SLCO3A1: variants seen among roughly 807,000 people sequenced by gnomAD.
The protein encoded by SLCO3A1 is PGE1 transporter.
SLCO3A1 carries 27 observed loss-of-function variants against 63.1 expected under a neutral mutation model. The observed-to-expected ratio is 0.43, with a 90% CI of 0.32 to 0.59. SLCO3A1 has a LOEUF of 0.59. SLCO3A1 is among the 20% of genes least tolerant of loss of function. The pLI, the probability that SLCO3A1 is intolerant of heterozygous loss-of-function variation, is 0.09. For synonymous variants in SLCO3A1, 473 were observed against 409.9 expected, an observed-to-expected ratio of 1.15 and a Z score of -1.86; for missense variants, 773 against 945.8, an observed-to-expected ratio of 0.82 and a Z score of 2.40.
chr15:91,944,782 AT>A (rs1899745113), intron 2 of SLCO3A1, among the ~76,000 whole-genome samples: 1 of 151,990 alleles, frequency 6.6e-6, no homozygotes, highest in Non-Finnish European at 1.5e-5. Flanking sequence ...AGAACTGATG[AT>A]GGCCATCCAG....
intron 2 of SLCO3A1, among the ~76,000 whole-genome samples, chr15:92,032,660 G>C (rs1373210867): frequency 7.2e-5 from 11 of 152,118 alleles, no homozygotes; most frequent in Non-Finnish European, 1.5e-4. Flanking sequence ...CGGTGATTGG[G>C]TAGGTTGGAG....
chr15:92,149,603 A>G (rs2048277300), intron 8 of SLCO3A1: 1 of 152,258 alleles, frequency 6.6e-6, no homozygotes, highest in Non-Finnish European at 1.5e-5. Context: ...TAGTACCTTT[A>G]GAACTAAGAC....
In SLCO3A1 at chr15:92,100,939, T is replaced by C. The variant is rs74030478; in HGVS notation, c.746-3340T>C. 3.9e-3 allele frequency among the ~76,000 whole-genome samples: 589 copies of C among 152,280 alleles called. 1 individual carries two copies. Among genetic ancestry groups the C allele is most frequent in the African/African-American group, 0.014 (569 of 41,544 alleles). On this transcript the variant is annotated intron_variant, in intron 3 of 9. Coordinates refer to ENST00000318445, the MANE Select transcript of SLCO3A1 (RefSeq NM_013272.4). The stretch of plus-strand genomic sequence containing the variant: ...CATACACACTTCCACACAGAAGTGA[T>C]ATATGTCCCCTTGCTCACATTTCAC...
intron 2 of SLCO3A1, among the ~76,000 whole-genome samples, chr15:92,082,517 T>A (rs899066747): frequency 3.3e-5 from 5 of 152,104 alleles, no homozygotes; most frequent in African/African-American, 1.2e-4. Context: ...GCGAGAACCA[T>A]CTAGGGTTAA....
intron 1 of SLCO3A1, among the ~76,000 whole-genome samples, chr15:91,871,120 A>C (rs1897269689): frequency 6.6e-6 from 1 of 152,096 alleles, no homozygotes; most frequent in Non-Finnish European, 1.5e-5. Flanking sequence ...AAATCAGGCT[A>C]TATCTTTCTT....
downstream of SLCO3A1, among the ~76,000 whole-genome samples, chr15:92,167,642 C>G (rs1034595611): frequency 1.2e-4 from 19 of 152,212 alleles, no homozygotes; most frequent in African/African-American, 4.3e-4. Flanking sequence ...TTGGAATACT[C>G]TCTCACTGGT....
At chr15:92,090,007 G>C (rs537981285) in intron 2 of SLCO3A1, among the ~76,000 whole-genome samples, 1 of 152,148 alleles carries the variant, frequency 6.6e-6, no homozygotes, top group Non-Finnish European at 1.5e-5. Context: ...TAGAGTAGCT[G>C]CTCGAAAACC....
At chr15:92,153,844 G>A (rs1409428328) in intron 9 of SLCO3A1, among the ~76,000 whole-genome samples, 1 of 152,146 alleles carries the variant, frequency 6.6e-6, no homozygotes, top group Non-Finnish European at 1.5e-5. Context: ...GCTGCAGAAG[G>A]CCCAGACTGG....
At chr15:92,150,901 G>A in intron 8 of SLCO3A1, 49 bp from the exon 9 acceptor site, 1 of 1,382,538 alleles carries the variant, frequency 7.2e-7, no homozygotes, top group Non-Finnish European at 1.0e-6. Context: ...AATTACAGGG[G>A]AATGATAAAA....
Position 92,061,921 on chromosome 15 carries a change from A to C in SLCO3A1, c.647-32960A>C, listed in dbSNP as rs527746958. On this transcript the variant is annotated intron_variant, in intron 2 of 9. Transcript: ENST00000318445. ...AAGGCTCTGGGTGATACAGGGCAAG[A>C]TCTGGATTTTGGCAACCCTGTGGCA... 1.2e-3 allele frequency among the ~76,000 whole-genome samples: 187 copies of C among 152,348 alleles called. 1 individual carries two copies. Among genetic ancestry groups the C allele is most frequent in the African/African-American group, 4.4e-3 (181 of 41,584 alleles).
At chr15:92,139,673 C>A (rs377211612) in intron 7 of SLCO3A1, among the ~76,000 whole-genome samples, 74 of 152,220 alleles carry the variant, frequency 4.9e-4, no homozygotes, top group South Asian at 3.5e-3. Flanking sequence ...TGGTCTATTC[C>A]GAGATTCAAC....
intron 2 of SLCO3A1, among the ~76,000 whole-genome samples, chr15:91,971,087 C>T (rs1188302093): frequency 6.6e-6 from 1 of 152,016 alleles, no homozygotes; most frequent in Admixed American, 6.6e-5. Flanking sequence ...GTGCCTGTTC[C>T]CAGCTGAGGT....
intron 6 of SLCO3A1, 136 bp downstream of exon 6, chr15:92,126,395 G>T (rs146209129): frequency 3.0e-6 from 2 of 676,148 alleles, no homozygotes; most frequent in South Asian, 1.8e-5. Flanking sequence ...GCATCTTACT[G>T]TCCACGTTGG....
At chr15:91,878,501 G>T (rs934807080) in intron 1 of SLCO3A1, among the ~76,000 whole-genome samples, 1 of 152,192 alleles carries the variant, frequency 6.6e-6, no homozygotes, top group African/African-American at 2.4e-5. Context: ...TCATCTCATG[G>T]TCTTCTAAAT....
intron 4 of SLCO3A1, among the ~76,000 whole-genome samples, chr15:92,109,787 G>A (rs1272888065): frequency 6.6e-6 from 1 of 151,980 alleles, no homozygotes; most frequent in Non-Finnish European, 1.5e-5. Flanking sequence ...CTCCCATTTG[G>A]CCCCCACAGG....
chr15:91,990,475 T>C (rs1249785238), intron 2 of SLCO3A1, among the ~76,000 whole-genome samples: 1 of 152,046 alleles, frequency 6.6e-6, no homozygotes, highest in East Asian at 1.9e-4. Flanking sequence ...CTGAACTGGT[T>C]TCATTTCATC....
chr15:91,982,898 G>A (rs1280975950), intron 2 of SLCO3A1, among the ~76,000 whole-genome samples: 3 of 152,224 alleles, frequency 2.0e-5, no homozygotes, highest in Non-Finnish European at 4.4e-5. Flanking sequence ...AGGGGATCAG[G>A]ACCCTCTCCA....
chr15:92,169,389 A>G (rs1156924645), downstream of SLCO3A1, among the ~76,000 whole-genome samples: 1 of 152,300 alleles, frequency 6.6e-6, no homozygotes, highest in Non-Finnish European at 1.5e-5. Context: ...CCACCTTTAG[A>G]CACTGATCAA....
Position 91,942,211 on chromosome 15 carries a change from T to C in SLCO3A1, c.646+25753T>C, listed in dbSNP as rs1214923181. 6.6e-6 allele frequency among the ~76,000 whole-genome samples: 1 copy of C among 152,112 alleles called. No individual in the cohort carries two copies. Among genetic ancestry groups the C allele is most frequent in the Non-Finnish European group, 1.5e-5 (1 of 68,038 alleles). Reference sequence around the variant, plus strand: ...GGCACCTCTGTCATTTACCCCTCAATATTTTATATTTGACTCTTCTGTGAA... The same window carrying C: ...GGCACCTCTGTCATTTACCCCTCAACATTTTATATTTGACTCTTCTGTGAA... On this transcript the variant is annotated intron_variant, in intron 2 of 9. Coordinates refer to ENST00000318445, the MANE Select transcript of SLCO3A1 (RefSeq NM_013272.4). The surrounding 1 kb of genome is among the most constrained non-coding windows in gnomAD (Gnocchi z 4.1).
Sources: gnomAD v4.1 joint callset for allele counts (sites outside exome capture counted in the v4.1 genomes callset) on GRCh38, gnomAD v4.1.1 for gene constraint, Gnocchi (gnomAD v3.1) non-coding constraint, MANE v1.5 for transcripts, NCBI Gene and HGNC (gene_info 2026-07-23, HGNC 2026-07-21) for gene names.